The following GNAZ variants were observed in gnomAD, a reference collection of about 807,000 sequenced individuals.
GNAZ encodes G protein subunit alpha z.
In GNAZ, 3 loss-of-function variants were observed where a neutral mutation model predicts 25.4. The ratio of observed to expected loss-of-function variants is 0.12; its 90% CI spans 0.05 to 0.30. The LOEUF (loss-of-function observed/expected upper bound fraction) is 0.30, where lower values mean the gene tolerates loss of function less well. Ranked by LOEUF, GNAZ falls within the 10% of genes least tolerant of loss-of-function variation. The probability of loss-of-function intolerance (pLI) is 1.00; values close to 1 mark genes in which losing one functional copy is unlikely to be tolerated. For synonymous variants in GNAZ, 211 were observed against 205.7 expected (o/e 1.03, Z -0.22); for missense variants, 241 against 501.8 (o/e 0.48, Z 4.97).
intron 2 of GNAZ, among the ~76,000 whole-genome samples, chr22:23,110,951 TGG>T (rs1039930917): frequency 1.3e-5 from 2 of 152,186 alleles, no homozygotes; most frequent in African/African-American, 4.8e-5. Flanking sequence ...CTTGTCCACT[TGG>T]GGTCAGCGAC....
chr22:23,124,192 T>G lies in GNAZ; in HGVS notation c.*761T>G, dbSNP rs1213360914. On this transcript the variant is annotated 3_prime_UTR_variant, in exon 3 of 3. Transcript: ENST00000615612. ...AAACCTGGTTTTCCTTCTCTGACATTTTTTTTTTGTTTTGTTTTTTGGTTT... is the reference window on the plus strand; with the variant it reads ...AAACCTGGTTTTCCTTCTCTGACATGTTTTTTTTGTTTTGTTTTTTGGTTT... The G allele has an allele frequency of 1.7e-5, 3 of 173,516 alleles. No individual in the cohort carries two copies. In the East Asian group the frequency reaches 4.7e-4, roughly 27 times the overall value. 10.7% of individuals were successfully genotyped at this position (173,516 alleles called of 1,614,324 possible).
intron 1 of GNAZ, among the ~76,000 whole-genome samples, chr22:23,088,294 G>C (rs991213445): frequency 1.3e-5 from 2 of 152,190 alleles, no homozygotes; most frequent in Non-Finnish European, 2.9e-5. Context: ...CATGCTCTGA[G>C]CTGTGGGCTG....
chr22:23,078,891 C>T (rs767585066), intron 1 of GNAZ, among the ~76,000 whole-genome samples: 5 of 152,198 alleles, frequency 3.3e-5, no homozygotes, highest in South Asian at 2.1e-4. Context: ...GCATCAGGAT[C>T]GGCCAAGTCC....
chr22:23,084,915 A>G (rs1201166014), intron 1 of GNAZ, among the ~76,000 whole-genome samples: 2 of 152,212 alleles, frequency 1.3e-5, no homozygotes, highest in East Asian at 1.9e-4. Flanking sequence ...TCCAGGTGAC[A>G]TCGCACGTCC....
rs2068372304 is a variant in GNAZ, at chr22:23,071,438, A to G, written c.-450+868A>G. Among the ~76,000 whole-genome samples the G allele has an allele frequency of 1.3e-5, 2 of 152,200 alleles. No individual in the cohort carries two copies. Among genetic ancestry groups the G allele is most frequent in the South Asian group, 2.1e-4 (1 of 4,832 alleles). ...GTTGGGGTGGAGGGACCCGCCTGGTAGAGAGGTCTGTCTTGCTTGGGGAGA... is the reference window on the plus strand; with the variant it reads ...GTTGGGGTGGAGGGACCCGCCTGGTGGAGAGGTCTGTCTTGCTTGGGGAGA... On this transcript the variant is annotated intron_variant, in intron 1 of 2. Transcript: ENST00000615612. This position sits in a 1 kb window ranked among gnomAD's most constrained non-coding sequence, Gnocchi z 4.1.
At chr22:23,110,878 G>T (rs935058330) in intron 2 of GNAZ, among the ~76,000 whole-genome samples, 1 of 152,144 alleles carries the variant, frequency 6.6e-6, no homozygotes, top group African/African-American at 2.4e-5. Flanking sequence ...CGAGCACACG[G>T]GGCAACTCAG....
intron 1 of GNAZ, among the ~76,000 whole-genome samples, chr22:23,095,028 G>A (rs562586225): frequency 6.6e-6 from 1 of 152,360 alleles, no homozygotes; most frequent in East Asian, 1.9e-4. Context: ...TCATGCACCT[G>A]GCTTCAGGTG....
At chr22:23,116,600 G>A (rs1355866811) in intron 2 of GNAZ, among the ~76,000 whole-genome samples, 1 of 152,254 alleles carries the variant, frequency 6.6e-6, no homozygotes, top group Admixed American at 6.5e-5. Context: ...TGCAACTACA[G>A]TGCAGGATGG....
intron 1 of GNAZ, among the ~76,000 whole-genome samples, chr22:23,079,318 G>A (rs1037610201): frequency 6.6e-5 from 10 of 152,252 alleles, no homozygotes; most frequent in Non-Finnish European, 1.5e-4. Flanking sequence ...GCCATTGGAT[G>A]GGGAGAGGGC....
At position 23,096,241 on chromosome 22, in the gene GNAZ, C is replaced by A. The variant is rs1337949722; in HGVS notation, c.546C>A (p.Thr182=). 1 of 1,613,974 alleles carries A rather than the reference C, an allele frequency of 6.2e-7. No individual in the cohort carries two copies. The highest frequency in any genetic ancestry group is 2.2e-5 in the East Asian group (1 of 44,886). The change falls in exon 2 of 3, where the codon ACC becomes ACA. Residue 182 remains threonine (T), a synonymous_variant. Coordinates refer to ENST00000615612, the MANE Select transcript of GNAZ (RefSeq NM_002073.4). The part of the protein sequence containing the change: ...VEDILRSRDM[T]TGIVENKFTF... ...ACATCCTGCGCTCCCGGGACATGACCACGGGCATTGTGGAGAACAAGTTCA... is the reference window on the plus strand; with the variant it reads ...ACATCCTGCGCTCCCGGGACATGACAACGGGCATTGTGGAGAACAAGTTCA...
Position 23,095,678 on chromosome 22 carries a change from G to A in GNAZ, c.-18G>A, listed in dbSNP as rs746216011. On this transcript the variant is annotated 5_prime_UTR_variant, in exon 2 of 3. Coordinates refer to ENST00000615612, the MANE Select transcript of GNAZ (RefSeq NM_002073.4). ...GCCCCATCCCGTGCTCCTTGTCTGG[G>A]CCCGCTGCTGCCAGACCATGGGATG... 6.9e-6 allele frequency: 11 copies of A among 1,588,434 alleles called. No homozygotes were observed. In the South Asian group the frequency reaches 1.3e-4, roughly 18 times the overall value.
intron 2 of GNAZ, among the ~76,000 whole-genome samples, chr22:23,113,224 G>A (rs1325997489): frequency 1.3e-5 from 2 of 152,200 alleles, no homozygotes; most frequent in Non-Finnish European, 2.9e-5. Context: ...CAACAGCTGG[G>A]GCCCCAGCGC....
intron 2 of GNAZ, among the ~76,000 whole-genome samples, chr22:23,099,694 G>A (rs376978670): frequency 1.3e-5 from 2 of 152,366 alleles, no homozygotes; most frequent in East Asian, 3.9e-4. Flanking sequence ...CCATGGCAGA[G>A]GCTCTGCCCC....
At chr22:23,105,726 A>G (rs5996468) in intron 2 of GNAZ, among the ~76,000 whole-genome samples, 16,883 of 152,272 alleles carry the variant, frequency 0.11, 3,019 homozygotes, top group African/African-American at 0.37. Flanking sequence ...ACACACCTGT[A>G]TCATGCTGTT....
At chr22:23,092,142 C>A (rs1412680972) in intron 1 of GNAZ, among the ~76,000 whole-genome samples, 2 of 152,122 alleles carry the variant, frequency 1.3e-5, no homozygotes, top group African/African-American at 4.8e-5. Flanking sequence ...TGGCCTTTGT[C>A]TCTTGGCCAA....
intron 2 of GNAZ, among the ~76,000 whole-genome samples, chr22:23,098,733 A>G (rs1379079215): frequency 4.6e-5 from 7 of 152,254 alleles, no homozygotes; most frequent in Non-Finnish European, 8.8e-5. Context: ...ATATCTGGAG[A>G]TGGAAAACAA....
chr22:23,083,396 C>A (rs2068732083), intron 1 of GNAZ, among the ~76,000 whole-genome samples: 2 of 152,124 alleles, frequency 1.3e-5, no homozygotes, highest in African/African-American at 4.8e-5. Flanking sequence ...TGCAGGGTGA[C>A]CCCTTTGCAG....
chr22:23,100,728 G>C (rs913890143), intron 2 of GNAZ, among the ~76,000 whole-genome samples: 2 of 152,216 alleles, frequency 1.3e-5, no homozygotes, highest in Non-Finnish European at 2.9e-5. Flanking sequence ...TTTGTGGAGC[G>C]GGCGGGAGGC....
Position 23,076,267 on chromosome 22 carries a change from G to C in GNAZ, c.-450+5697G>C, listed in dbSNP as rs75327175. The stretch of plus-strand genomic sequence containing the variant: ...CTGCTCCCTATTTGATTCATTCATC[G>C]TATGTGTTTGTGTAAGCTCCATGAG... On this transcript the variant is annotated intron_variant, in intron 1 of 2. Transcript: ENST00000615612. Among the ~76,000 whole-genome samples, 1,323 of 152,276 alleles carry C rather than the reference G, an allele frequency of 8.7e-3. 21 individuals are homozygous for C. The highest frequency in any genetic ancestry group is 0.03 in the African/African-American group (1,265 of 41,546).
Sources: gnomAD v4.1 joint callset for allele counts (sites outside exome capture counted in the v4.1 genomes callset) on GRCh38, gnomAD v4.1.1 for gene constraint, Gnocchi (gnomAD v3.1) non-coding constraint, MANE v1.5 for transcripts, NCBI Gene and HGNC (gene_info 2026-07-23, HGNC 2026-07-21) for gene names.